The following SEMA6D variants were observed in gnomAD, a reference collection of about 807,000 sequenced individuals.
The protein encoded by SEMA6D is semaphorin 6D, also known as semaphorin-6D.
Under a neutral mutation model 106.6 loss-of-function variants are expected in SEMA6D, and 35 were observed. That is an observed-to-expected ratio of 0.33 (90% confidence interval 0.25 to 0.44). SEMA6D has a LOEUF of 0.44. SEMA6D is among the 20% of genes least tolerant of loss of function. The probability of loss-of-function intolerance (pLI) is 1.00; values close to 1 mark genes in which losing one functional copy is unlikely to be tolerated. For missense variants in SEMA6D, 1,185 were observed against 1,345.9 expected (o/e 0.88, Z 1.87); for synonymous variants, 499 against 487.7 (o/e 1.02, Z -0.31).
At chr15:47,563,371 T>G (rs565546171) in intron 3 of SEMA6D, among the ~76,000 whole-genome samples, 3 of 152,358 alleles carry the variant, frequency 2.0e-5, no homozygotes, top group African/African-American at 4.8e-5. Flanking sequence ...GGTATAAATA[T>G]ATGCCACTAT....
intron 4 of SEMA6D, among the ~76,000 whole-genome samples, chr15:47,695,939 T>C (rs2078689688): frequency 6.6e-6 from 1 of 152,210 alleles, no homozygotes. Flanking sequence ...TTGGTAGTTT[T>C]AGTACACATT....
At chr15:47,289,601 G>T (rs1255573154) in intron 1 of SEMA6D, among the ~76,000 whole-genome samples, 1 of 151,916 alleles carries the variant, frequency 6.6e-6, no homozygotes, top group East Asian at 1.9e-4. Context: ...CTTTCCTCTG[G>T]GATGGCTGTG....
At chr15:47,324,312 G>A (rs1373895607) in intron 1 of SEMA6D, among the ~76,000 whole-genome samples, 1 of 151,984 alleles carries the variant, frequency 6.6e-6, no homozygotes, top group Non-Finnish European at 1.5e-5. Flanking sequence ...TATAAAAATT[G>A]TAGTTCAGTG....
intron 1 of SEMA6D, among the ~76,000 whole-genome samples, chr15:47,376,940 C>G (rs915594948): frequency 6.6e-6 from 1 of 152,122 alleles, no homozygotes; most frequent in African/African-American, 2.4e-5. Context: ...ACCTATTTGA[C>G]TTAAATTAAT....
intron 3 of SEMA6D, among the ~76,000 whole-genome samples, chr15:47,486,598 A>G (rs1259096778): frequency 6.6e-6 from 1 of 151,132 alleles, no homozygotes; most frequent in African/African-American, 2.5e-5. Context: ...AAAGAACTAC[A>G]TCTGTTATCT....
At chr15:47,500,879 T>C (rs978140717) in intron 3 of SEMA6D, among the ~76,000 whole-genome samples, 1 of 152,184 alleles carries the variant, frequency 6.6e-6, no homozygotes, top group South Asian at 2.1e-4. Context: ...GAGAGTGTCT[T>C]AGAGTGTTGT....
At chr15:47,231,927 G>A (rs1255892724) in intron 1 of SEMA6D, among the ~76,000 whole-genome samples, 1 of 151,820 alleles carries the variant, frequency 6.6e-6, no homozygotes, top group Non-Finnish European at 1.5e-5. Flanking sequence ...TCAAAATATT[G>A]TGCAAACATC....
intron 1 of SEMA6D, among the ~76,000 whole-genome samples, chr15:47,223,797 A>G (rs1353575452): frequency 6.6e-6 from 1 of 152,128 alleles, no homozygotes; most frequent in Non-Finnish European, 1.5e-5. Flanking sequence ...TCTTGAATTT[A>G]TGGTACATAT....
intron 1 of SEMA6D, among the ~76,000 whole-genome samples, chr15:47,724,643 G>T (rs1486842591): frequency 6.6e-6 from 1 of 152,074 alleles, no homozygotes; most frequent in Non-Finnish European, 1.5e-5. Flanking sequence ...GCCCAGGGGT[G>T]GGGTGGGGGT....
chr15:47,720,284 T>TG (rs1405042698), intron 1 of SEMA6D, among the ~76,000 whole-genome samples: 1 of 117,442 alleles, frequency 8.5e-6, no homozygotes, highest in Non-Finnish European at 1.8e-5. Flanking sequence ...TTTTTTTTTT[T>TG]GGAACATTTC....
rs753121525 is a variant in SEMA6D at position 47,764,919 on chromosome 15, C to T, written c.1290C>T (p.Ala430=). 10 of 1,613,738 alleles carry T rather than the reference C, an allele frequency of 6.2e-6. No individual in the cohort carries two copies. The highest frequency in any genetic ancestry group is 2.2e-5 in the South Asian group (2 of 91,060). ...RLTAISVDHS[A]GPYQNYTVIF... is the part of the protein sequence containing the mutation. ...CGGCCATCTCAGTGGACCATTCAGC[C>T]GGACCCTACCAGAACTACACAGTCA... Residue 430 remains alanine (A), a synonymous_variant, in exon 13 of 19, where the codon GCC becomes GCT. Coordinates refer to ENST00000536845, the MANE Select transcript of SEMA6D (RefSeq NM_001358351.3).
chr15:47,211,386 A>G (rs1245322101), intron 1 of SEMA6D, among the ~76,000 whole-genome samples: 4 of 152,198 alleles, frequency 2.6e-5, no homozygotes, highest in Admixed American at 6.5e-5. Flanking sequence ...GGGACAGTTT[A>G]TAAAGCTACT....
intron 4 of SEMA6D, among the ~76,000 whole-genome samples, chr15:47,683,146 T>C (rs2078394693): frequency 6.6e-6 from 1 of 152,126 alleles, no homozygotes; most frequent in South Asian, 2.1e-4. Flanking sequence ...GGGCTTAGAG[T>C]GTACCCATCA....
At chr15:47,623,051 C>G (rs756297163) in intron 4 of SEMA6D, among the ~76,000 whole-genome samples, 1 of 152,142 alleles carries the variant, frequency 6.6e-6, no homozygotes, top group Non-Finnish European at 1.5e-5. Flanking sequence ...TTAAAACTGC[C>G]CTTCTCTTCC....
intron 4 of SEMA6D, among the ~76,000 whole-genome samples, chr15:47,652,988 G>A (rs73392842): frequency 0.026 from 3,956 of 152,234 alleles, 175 homozygotes; most frequent in African/African-American, 0.091. Context: ...AGCACTCCTC[G>A]TACCTGAGCT....
chr15:47,573,809 C>T (rs75656916), intron 3 of SEMA6D, among the ~76,000 whole-genome samples: 1 of 152,176 alleles, frequency 6.6e-6, no homozygotes, highest in Non-Finnish European at 1.5e-5. Flanking sequence ...TTTCATCTGT[C>T]CCAGCTATCA....
intron 2 of SEMA6D, among the ~76,000 whole-genome samples, chr15:47,424,708 A>C (rs769322070): frequency 2.6e-5 from 4 of 152,168 alleles, no homozygotes; most frequent in African/African-American, 4.8e-5. Context: ...AATAAGATAT[A>C]TGAATTGTGG....
chr15:47,540,630 G>C (rs1025141), intron 3 of SEMA6D, among the ~76,000 whole-genome samples: 76,988 of 151,992 alleles, frequency 0.51, 21,010 homozygotes, highest in African/African-American at 0.73. Context: ...ATACCGAATA[G>C]AAGAATGAAG....
intron 1 of SEMA6D, among the ~76,000 whole-genome samples, chr15:47,728,217 T>A (rs1263238945): frequency 3.9e-5 from 6 of 152,198 alleles, no homozygotes; most frequent in Non-Finnish European, 8.8e-5. Flanking sequence ...AGACTCAGTT[T>A]CCTCACCTGT....
Sources: allele counts gnomAD v4.1 joint callset (sites outside exome capture counted in the v4.1 genomes callset), GRCh38; gene constraint gnomAD v4.1.1; transcripts MANE v1.5; gene names NCBI Gene and HGNC (gene_info 2026-07-23, HGNC 2026-07-21).